IGSF10: variants seen among roughly 807,000 people sequenced by gnomAD.
IGSF10 encodes immunoglobulin superfamily member 10.
Under a neutral mutation model 128.2 loss-of-function variants are expected in IGSF10, and 126 were observed. The observed-to-expected ratio is 0.98, with a 90% CI of 0.85 to 1.14. The LOEUF (loss-of-function observed/expected upper bound fraction) is 1.14. IGSF10 is among the 50% of genes most tolerant of loss of function. The pLI is 0.00. For missense variants in IGSF10, 3,295 were observed against 3,149.8 expected, an observed-to-expected ratio of 1.05 and a Z score of -1.10; for synonymous variants, 1,185 against 1,146.2, an observed-to-expected ratio of 1.03 and a Z score of -0.68.
intron 4 of IGSF10, 94 bp from the exon 5 acceptor site, chr3:151,453,868 A>G (rs1721645023): frequency 1.4e-6 from 1 of 729,008 alleles, no homozygotes; most frequent in East Asian, 2.5e-5. Context: ...GTTGAAATTA[A>G]TTCAGTGCAA....
the IGSF10 span, among the ~76,000 whole-genome samples, chr3:151,569,365 C>T: frequency 6.6e-6 from 1 of 152,182 alleles, no homozygotes; most frequent in Non-Finnish European, 1.5e-5. Context: ...AGCCACTGTG[C>T]CCGGCCTTTC....
In IGSF10 at chr3:151,448,571, G is replaced by C; in HGVS notation, c.1410C>G (p.His470Gln). 1.9e-6 allele frequency: 3 copies of C among 1,614,130 alleles called. No homozygotes were observed. The highest frequency in any genetic ancestry group is 2.5e-6 in the Non-Finnish European group (3 of 1,179,998). ...TATCCCTTGAAATCATAGTCCATTTGTGTTTCACTGGCCTCATCTCTGCTC... is the reference window on the plus strand; with the variant it reads ...TATCCCTTGAAATCATAGTCCATTTCTGTTTCACTGGCCTCATCTCTGCTC... ...LPRAEMRPVK[H>Q]KWTMISRDNN... The change falls in exon 6 of 8, where the codon CAC (histidine) becomes CAG (glutamine). Residue 470 changes from histidine (H) to glutamine (Q), a missense_variant. Physicochemically the swap from His to Gln is conservative, Grantham distance 24 (BLOSUM62 0). Transcript: ENST00000282466.
chr3:151,437,765 T>TC lies in IGSF10; in HGVS notation c.6795dup (p.Thr2266AspfsTer5). 1 of 1,613,918 alleles carries TC rather than the reference T, an allele frequency of 6.2e-7. No individual in the cohort carries two copies. The highest frequency in any genetic ancestry group is 8.5e-7 in the Non-Finnish European group (1 of 1,179,898). ...ATCCACATGACTTCAGGAGATGGTGTCCCTTCAGCTCTGCAGTCAAAGTGT... is the reference window on the plus strand; with the variant it reads ...ATCCACATGACTTCAGGAGATGGTGTCCCCTTCAGCTCTGCAGTCAAAGTGT... On this transcript the variant is annotated frameshift_variant, in exon 8 of 8. Coordinates refer to ENST00000282466, the MANE Select transcript of IGSF10 (RefSeq NM_178822.5). LOFTEE classifies it low-confidence loss of function (END_TRUNC).
chr3:151,617,421 C>G, the IGSF10 span, among the ~76,000 whole-genome samples: 44,298 of 141,440 alleles, frequency 0.31, 8,020 homozygotes, highest in East Asian at 0.64. Context: ...GGGGGGATGG[C>G]TATTTCTCCC....
At chr3:151,609,861 G>A in the IGSF10 span, among the ~76,000 whole-genome samples, 3 of 152,044 alleles carry the variant, frequency 2.0e-5, no homozygotes, top group African/African-American at 7.2e-5. Context: ...GAGGGAGCAG[G>A]AGCTGATAAC....
chr3:151,577,144 C>T, the IGSF10 span, among the ~76,000 whole-genome samples: 1 of 152,158 alleles, frequency 6.6e-6, no homozygotes, highest in Non-Finnish European at 1.5e-5. Flanking sequence ...TTTATATGCA[C>T]ACTTTCTCTA....
intron 7 of IGSF10, among the ~76,000 whole-genome samples, chr3:151,442,108 T>G (rs1720892830): frequency 3.3e-5 from 5 of 152,192 alleles, no homozygotes. Flanking sequence ...AGAAAGTGTG[T>G]ATTTGTATAT....
the IGSF10 span, among the ~76,000 whole-genome samples, chr3:151,467,207 AT>A: frequency 6.6e-6 from 1 of 152,188 alleles, no homozygotes; most frequent in East Asian, 1.9e-4. Context: ...TTCTGCCTAT[AT>A]ACTGAGTCCA....
At chr3:151,617,328 C>T in the IGSF10 span, among the ~76,000 whole-genome samples, 10 of 144,168 alleles carry the variant, frequency 6.9e-5, no homozygotes, top group African/African-American at 2.1e-4. Context: ...TCCCCTCCTC[C>T]TCCTCCCCCT....
intron 7 of IGSF10, among the ~76,000 whole-genome samples, chr3:151,439,441 C>T (rs1720701959): frequency 6.6e-6 from 1 of 152,134 alleles, no homozygotes; most frequent in African/African-American, 2.4e-5. Flanking sequence ...GGCAAAACCC[C>T]ATCTCTACTA....
the IGSF10 span, among the ~76,000 whole-genome samples, chr3:151,518,549 C>T: frequency 1.3e-5 from 2 of 151,982 alleles, no homozygotes; most frequent in African/African-American, 4.8e-5. Flanking sequence ...AGAACAATTG[C>T]TTTAATGCAG....
chr3:151,510,602 A>T, the IGSF10 span, among the ~76,000 whole-genome samples: 3 of 152,226 alleles, frequency 2.0e-5, no homozygotes, highest in Middle Eastern at 3.2e-3. Flanking sequence ...CAATGGAACA[A>T]AGCTGGACGG....
At chr3:151,505,754 T>A in the IGSF10 span, among the ~76,000 whole-genome samples, 1 of 152,206 alleles carries the variant, frequency 6.6e-6, no homozygotes, top group Non-Finnish European at 1.5e-5. Context: ...GAAGTTTCTA[T>A]AAATTTTCCG....
At chr3:151,503,482 A>G in the IGSF10 span, among the ~76,000 whole-genome samples, 43,489 of 152,138 alleles carry the variant, frequency 0.29, 6,872 homozygotes, top group Middle Eastern at 0.39. Context: ...AATAAAAATG[A>G]AGATCAATAG....
At chr3:151,444,580 G>A (rs1721073387) in intron 6 of IGSF10, among the ~76,000 whole-genome samples, 1 of 152,150 alleles carries the variant, frequency 6.6e-6, no homozygotes, top group Non-Finnish European at 1.5e-5. Context: ...CAAAGTGCTG[G>A]GATTACAGAC....
chr3:151,525,657 C>T, the IGSF10 span, among the ~76,000 whole-genome samples: 1 of 152,094 alleles, frequency 6.6e-6, no homozygotes, highest in African/African-American at 2.4e-5. Context: ...GAACAGAAAT[C>T]TCAGTTTTCT....
chr3:151,480,420 G>A, the IGSF10 span, among the ~76,000 whole-genome samples: 2 of 152,130 alleles, frequency 1.3e-5, no homozygotes, highest in Non-Finnish European at 2.9e-5. Context: ...GTCCTCATAG[G>A]TGTCCTTCAC....
the IGSF10 span, among the ~76,000 whole-genome samples, chr3:151,611,413 A>G: frequency 6.6e-6 from 1 of 152,330 alleles, no homozygotes; most frequent in South Asian, 2.1e-4. Flanking sequence ...GGCAGTGCAT[A>G]CAGTTGTGAG....
chr3:151,500,974 A>T, the IGSF10 span, among the ~76,000 whole-genome samples: 311 of 143,940 alleles, frequency 2.2e-3, no homozygotes, highest in Non-Finnish European at 3.8e-3. Context: ...AAGTCACATG[A>T]TATTATGTAT....
Sources: gnomAD v4.1 joint callset for allele counts (sites outside exome capture counted in the v4.1 genomes callset) on GRCh38, gnomAD v4.1.1 for gene constraint, MANE v1.5 for transcripts, NCBI Gene and HGNC (gene_info 2026-07-23, HGNC 2026-07-21) for gene names.